SLC17A7: variants seen among roughly 807,000 people sequenced by gnomAD.
SLC17A7 encodes the protein vesicular glutamate transporter 1.
Under a neutral mutation model 59.1 loss-of-function variants are expected in SLC17A7, and 15 were observed. That is an observed-to-expected ratio of 0.25 (90% CI 0.17 to 0.39). The LOEUF is 0.39. SLC17A7 is among the 10% of genes least tolerant of loss of function. The pLI is 1.00. For synonymous variants in SLC17A7, 353 were observed against 308.9 expected (o/e 1.14, Z -1.50); for missense variants, 499 against 765.1 (o/e 0.65, Z 4.10).
chr19:49,436,899 A>C lies in SLC17A7; in HGVS notation c.63-98T>G. The C allele has an allele frequency of 6.8e-7, 1 of 1,471,470 alleles. No homozygotes were observed. Among genetic ancestry groups the C allele is most frequent in the East Asian group, 2.5e-5 (1 of 40,492 alleles). The allele number at this position is 1,471,470 out of a possible 1,614,324, so 91.2% of individuals were successfully genotyped here. On this transcript the variant is annotated intron_variant, in intron 1 of 11. Transcript: ENST00000221485. The surrounding 1 kb of genome is among the most constrained non-coding windows in gnomAD (Gnocchi z 4.1). ...GGGCAAAACCTGCTTTTCAACATCC[A>C]GAATTCTAAGCCCGCACCTCCTCCT...
intron 4 of SLC17A7, 33 bp downstream of exon 4, chr19:49,434,735 G>A: frequency 6.2e-7 from 1 of 1,614,086 alleles, no homozygotes; most frequent in Non-Finnish European, 8.5e-7. Context: ...CAGGGTCCGA[G>A]CGAGGGCAGG....
chr19:49,430,892 G>A (rs563089438), intron 11 of SLC17A7, 80 bp from the exon 12 acceptor site: 88 of 1,555,760 alleles, frequency 5.7e-5, no homozygotes, highest in Non-Finnish European at 6.1e-6. Context: ...TAGAGGAAGG[G>A]AGGCAGAGAC....
At chr19:49,437,611 G>C (rs2078984558) in intron 1 of SLC17A7, 1 of 152,068 alleles carries the variant, frequency 6.6e-6, no homozygotes, top group Non-Finnish European at 1.5e-5. Context: ...CAGAGAGAGG[G>C]GGTCACAGAC....
Position 49,430,394 on chromosome 19 carries a change from A to G in SLC17A7, c.*125T>C. ...AAGAGGATTTGACAGCACTGGGAAC[A>G]AGGGAGAGTGCTTCTTAGGCCTGAG... is the stretch of plus-strand genomic sequence containing the variant. On this transcript the variant is annotated 3_prime_UTR_variant, in exon 12 of 12. Coordinates refer to ENST00000221485, the MANE Select transcript of SLC17A7 (RefSeq NM_020309.4). 1.5e-6 allele frequency: 1 copy of G among 671,776 alleles called. No individual in the cohort carries two copies. The highest frequency in any genetic ancestry group is 2.0e-5 in the South Asian group (1 of 49,496). The allele number at this position is 671,776 out of a possible 1,614,324, so 41.6% of individuals were successfully genotyped here.
chr19:49,438,983 G>GA (rs1310466694), intron 1 of SLC17A7, among the ~76,000 whole-genome samples: 1 of 152,090 alleles, frequency 6.6e-6, no homozygotes, highest in Non-Finnish European at 1.5e-5. Context: ...AGAGCAAGAG[G>GA]ACCAAGGACA....
Position 49,434,063 on chromosome 19 carries a change from G to A in SLC17A7, c.638-17C>T. On this transcript the variant is annotated splice_polypyrimidine_tract_variant and intron_variant, in intron 5 of 11. Coordinates refer to ENST00000221485, the MANE Select transcript of SLC17A7 (RefSeq NM_020309.4). ...CATAGGAACCTAAGGGGGAGGATGC[G>A]GGGGAGAGAACAGGCCCATCTTCCC... 2 of 1,564,358 alleles carry A rather than the reference G, an allele frequency of 1.3e-6. No homozygotes were observed. Among genetic ancestry groups the A allele is most frequent in the South Asian group, 1.1e-5 (1 of 90,046 alleles).
At chr19:49,440,665 T>C (rs145757609) in intron 1 of SLC17A7, among the ~76,000 whole-genome samples, 2 of 152,308 alleles carry the variant, frequency 1.3e-5, no homozygotes, top group East Asian at 1.9e-4. Context: ...CCAATCCGCT[T>C]TAGCTGCAGA....
rs1471088638 is a variant in SLC17A7, at chr19:49,429,933, A to G, written c.*586T>C. On this transcript the variant is annotated 3_prime_UTR_variant, in exon 12 of 12. Coordinates refer to ENST00000221485, the MANE Select transcript of SLC17A7 (RefSeq NM_020309.4). ...TGGTGCTTTCGCAGAATCTGCTGGTAGGGGAGATGTGAAGTGGGCACGGAA... is the reference window on the plus strand; with the variant it reads ...TGGTGCTTTCGCAGAATCTGCTGGTGGGGGAGATGTGAAGTGGGCACGGAA... 6 of 207,318 alleles carry G rather than the reference A, an allele frequency of 2.9e-5. No homozygotes were observed. The Admixed American group carries it at 3.6e-4, about 12-fold the overall frequency. 12.8% of individuals were successfully genotyped at this position (207,318 alleles called of 1,614,324 possible). A position where few individuals can be genotyped will look rare whatever the true frequency, so the allele number is the denominator to read the frequency against.
intron 11 of SLC17A7, 44 bp from the exon 12 acceptor site, chr19:49,430,856 A>G: frequency 6.4e-7 from 1 of 1,571,826 alleles, no homozygotes; most frequent in Non-Finnish European, 8.6e-7. Context: ...AGGACAGAGA[A>G]ACAGAGGCGG....
Position 49,436,557 on chromosome 19 carries a change from C to T in SLC17A7, c.307G>A (p.Val103Met). 2 of 1,613,308 alleles carry T rather than the reference C, an allele frequency of 1.2e-6. No homozygotes were observed. The highest frequency in any genetic ancestry group is 1.7e-5 in the Admixed American group (1 of 60,030). The change falls in exon 2 of 12, where the codon GTG becomes ATG. Residue 103 changes from valine (V) to methionine (M), a missense_variant. This residue lies in a region of SLC17A7 where 323 missense variants were observed against 607.2 expected (regional missense o/e 0.53). Transcript: ENST00000221485. The surrounding 1 kb of genome is among the most constrained non-coding windows in gnomAD (Gnocchi z 4.1). ...NSTTHRGGHVVVQKAQFSWDP... is the reference protein window; with the variant it reads ...NSTTHRGGHVMVQKAQFSWDP... Reference sequence around the variant, plus strand: ...CTCAGGCCTTGAGCTACCTGCACCACCACGTGGCCCCCGCGGTGGGTCGTG... The same window carrying T: ...CTCAGGCCTTGAGCTACCTGCACCATCACGTGGCCCCCGCGGTGGGTCGTG...
Position 49,432,586 on chromosome 19 carries a change from G to C in SLC17A7, c.1083C>G (p.Ile361Met). 2 of 1,612,108 alleles carry C rather than the reference G, an allele frequency of 1.2e-6. No individual in the cohort carries two copies. The highest frequency in any genetic ancestry group is 1.7e-6 in the Non-Finnish European group (2 of 1,179,564). ...MTIIVPIGGQ[I>M]ADFLRSRRIM... ...TGCGGCGGCTCCGCAGGAAGTCCGC[G>C]ATCTGGCCGCCGATGGGCACGATGA... The change falls in exon 9 of 12, where the codon ATC (isoleucine) becomes ATG (methionine). Residue 361 changes from isoleucine to methionine, a missense_variant. By Grantham distance (10) the Ile-to-Met change is conservative. Transcript: ENST00000221485.
Position 49,434,786 on chromosome 19 carries a change from G to C in SLC17A7, c.531C>G (p.Ile177Met). The change falls in exon 4 of 12, where the codon ATC becomes ATG. Residue 177 changes from isoleucine to methionine, a missense_variant. Physicochemically the swap from Ile to Met is conservative, Grantham distance 10 (BLOSUM62 1). Coordinates refer to ENST00000221485, the MANE Select transcript of SLC17A7 (RefSeq NM_020309.4). ...VHYGCVIFVR[I>M]LQGLVEGVTY... ...GATTTACCTCTACCAACCCCTGCAG[G>C]ATCCTCACGAAGATGACACAGCCAT... is the stretch of plus-strand genomic sequence containing the variant. The C allele has an allele frequency of 6.2e-7, 1 of 1,614,166 alleles. No homozygotes were observed. Among genetic ancestry groups the C allele is most frequent in the African/African-American group, 1.3e-5 (1 of 75,038 alleles).
chr19:49,430,859 A>G (rs1444845666), intron 11 of SLC17A7, 47 bp from the exon 12 acceptor site: 7 of 1,565,658 alleles, frequency 4.5e-6, no homozygotes, highest in Non-Finnish European at 6.1e-6. Context: ...ACAGAGAAAC[A>G]GAGGCGGAGA....
chr19:49,431,112 G>A lies in SLC17A7; in HGVS notation c.1292C>T (p.Pro431Leu). 2 of 1,613,904 alleles carry A rather than the reference G, an allele frequency of 1.2e-6. No individual in the cohort carries two copies. Among genetic ancestry groups the A allele is most frequent in the Non-Finnish European group, 1.7e-6 (2 of 1,179,970 alleles). Reference sequence around the variant, plus strand: ...GCCCATGAGGATGCTGGCGTAGCGCGGGGCTATGTCCAGGTGGTTCACGTT... The same window carrying A: ...GCCCATGAGGATGCTGGCGTAGCGCAGGGCTATGTCCAGGTGGTTCACGTT... Reference protein sequence around the residue: ...GFNVNHLDIAPRYASILMGIS... With the variant: ...GFNVNHLDIALRYASILMGIS... Residue 431 changes from proline (P) to leucine (L), a missense_variant, in exon 11 of 12, where the codon CCG (proline) becomes CTG (leucine). Physicochemically the swap from Pro to Leu is moderately conservative, Grantham distance 98. Around this residue, in one of 3 missense-constraint regions of SLC17A7, gnomAD observed 323 missense variants for 607.2 expected, o/e 0.53. Transcript: ENST00000221485. The surrounding 1 kb of genome is among the most constrained non-coding windows in gnomAD (Gnocchi z 4.6).
rs771603122 is a variant in SLC17A7 at position 49,430,747 on chromosome 19, G to A, written c.1455C>T (p.Phe485=). Residue 485 remains phenylalanine, a synonymous_variant, in exon 12 of 12, where the codon TTC becomes TTT. Transcript: ENST00000221485. ...ASLVHYGGVI[F]YGVFASGEKQ... is the part of the protein sequence containing the mutation. ...TCTCTCCAGAAGCAAAGACCCCGTA[G>A]AAGATGACACCTCCATAGTGCACCA... is the stretch of plus-strand genomic sequence containing the variant. The A allele has an allele frequency of 2.5e-6, 4 of 1,614,126 alleles. No homozygotes were observed. In the South Asian group the frequency reaches 4.4e-5, roughly 18 times the overall value.
At position 49,431,510 on chromosome 19, in the gene SLC17A7, C is replaced by T; in HGVS notation, c.1151-62G>A. ...CGGCCGGAGCAAGGCGCAGGCTGCC[C>T]CACACCGCCCTTCCAGACCTGCTCC... On this transcript the variant is annotated intron_variant, in intron 9 of 11. Transcript: ENST00000221485. The surrounding 1 kb of genome is among the most constrained non-coding windows in gnomAD (Gnocchi z 4.6). 7.2e-7 allele frequency: 1 copy of T among 1,394,944 alleles called. No individual in the cohort carries two copies. Among genetic ancestry groups the T allele is most frequent in the Non-Finnish European group, 1.0e-6 (1 of 994,296 alleles). The allele number at this position is 1,394,944 out of a possible 1,614,324, so 86.4% of individuals were successfully genotyped here. A position where few individuals can be genotyped will look rare whatever the true frequency, so the allele number is the denominator to read the frequency against.
In SLC17A7 at chr19:49,440,236, G is replaced by A. The variant is rs150153488; in HGVS notation, c.62+1082C>T. 9.5e-3 allele frequency among the ~76,000 whole-genome samples: 1,443 copies of A among 152,332 alleles called. 9 individuals are homozygous for A. The highest frequency in any genetic ancestry group is 0.016 in the Admixed American group (244 of 15,302). On this transcript the variant is annotated intron_variant, in intron 1 of 11. Coordinates refer to ENST00000221485, the MANE Select transcript of SLC17A7 (RefSeq NM_020309.4). ...GCAAAGGACCCCCATGGCCTAGCGA[G>A]GTGGACTGAAGCTCAGCGAAACACA...
chr19:49,432,194 A>G (rs1030738300), intron 9 of SLC17A7, among the ~76,000 whole-genome samples: 1 of 152,090 alleles, frequency 6.6e-6, no homozygotes, highest in Non-Finnish European at 1.5e-5. Flanking sequence ...GCGCCTCTTC[A>G]TCACCTAGTT....
intron 2 of SLC17A7, 40 bp from the exon 3 acceptor site, chr19:49,435,326 A>G (rs762991283): frequency 1.4e-5 from 21 of 1,459,602 alleles, no homozygotes; most frequent in South Asian, 9.1e-5. Context: ...CGCCCTGTCC[A>G]GGCTCTGCCG....
Sources: gnomAD v4.1 joint callset for allele counts (sites outside exome capture counted in the v4.1 genomes callset) on GRCh38, gnomAD v4.1.1 for gene constraint, gnomAD v4.1.1 regional missense constraint, Gnocchi (gnomAD v3.1) non-coding constraint, MANE v1.5 for transcripts, NCBI Gene and HGNC (gene_info 2026-07-23, HGNC 2026-07-21) for gene names.